RCBTB2: variants seen among roughly 807,000 people sequenced by gnomAD.
The protein encoded by RCBTB2 is RCC1 and BTB domain-containing protein 2.
In RCBTB2, 55 loss-of-function variants were observed where a neutral mutation model predicts 65.4. The ratio of observed to expected loss-of-function variants is 0.84; its 90% CI spans 0.68 to 1.05. The LOEUF (loss-of-function observed/expected upper bound fraction) is 1.05, where lower values mean the gene tolerates loss of function less well. Ranked by LOEUF, RCBTB2 falls within the 50% of genes least tolerant of loss-of-function variation. RCBTB2 has a pLI of 0.00. For missense variants in RCBTB2, 599 were observed against 680.1 expected (o/e 0.88, Z 1.33); for synonymous variants, 220 against 255.2 (o/e 0.86, Z 1.31).
In RCBTB2 at chr13:48,489,887, T is replaced by G. The variant is rs1432039975; in HGVS notation, c.*224A>C. ...AAATGGTAAATAAGATATTTCAATTTTTTTTCCTTGACCTTAGTCACATCT... is the reference window on the plus strand; with the variant it reads ...AAATGGTAAATAAGATATTTCAATTGTTTTTCCTTGACCTTAGTCACATCT... On this transcript the variant is annotated 3_prime_UTR_variant, in exon 15 of 15. Transcript: ENST00000344532. 2 of 554,686 alleles carry G rather than the reference T, an allele frequency of 3.6e-6. No individual in the cohort carries two copies. Among genetic ancestry groups the G allele is most frequent in the Non-Finnish European group, 6.3e-6 (2 of 316,736 alleles). 34.4% of individuals were successfully genotyped at this position (554,686 alleles called of 1,614,324 possible). A position where few individuals can be genotyped will look rare whatever the true frequency, so the allele number is the denominator to read the frequency against.
chr13:48,522,067 A>C, intron 3 of RCBTB2, 105 bp from the exon 4 acceptor site: 1 of 971,240 alleles, frequency 1.0e-6, no homozygotes, highest in Non-Finnish European at 1.6e-6. Context: ...AGCTAAGCTC[A>C]AATGTTGTGA....
At position 48,512,849 on chromosome 13, in the gene RCBTB2, G is replaced by A. The variant is rs1370473328; in HGVS notation, c.396C>T (p.Gly132=). 1.2e-6 allele frequency: 2 copies of A among 1,613,728 alleles called. No individual in the cohort carries two copies. The highest frequency in any genetic ancestry group is 1.7e-6 in the Non-Finnish European group (2 of 1,179,812). ...TWGHNAYSQL[G]NGTTNHGLVP... The stretch of plus-strand genomic sequence containing the variant: ...CTAAACCATGATTAGTTGTCCCATT[G>A]CCCAGCTGGCTATAAGCATTATGAC... Residue 132 remains glycine (G), a synonymous_variant, in exon 7 of 15, where the codon GGC becomes GGT. Coordinates refer to ENST00000344532, the MANE Select transcript of RCBTB2 (RefSeq NM_001268.4).
At position 48,522,393 on chromosome 13, in the gene RCBTB2, G is replaced by A; in HGVS notation, c.-109C>T. The A allele has an allele frequency of 7.3e-7, 1 of 1,360,912 alleles. No individual in the cohort carries two copies. The highest frequency in any genetic ancestry group is 1.0e-6 in the Non-Finnish European group (1 of 997,168). 84.3% of individuals were successfully genotyped at this position (1,360,912 alleles called of 1,614,324 possible). On this transcript the variant is annotated 5_prime_UTR_variant, in exon 3 of 15. Coordinates refer to ENST00000344532, the MANE Select transcript of RCBTB2 (RefSeq NM_001268.4). ...TTCTCAGCTCCACAGAAGAATATATGATTTGCTAAGCTGGAAAAAAAAAAG... is the reference window on the plus strand; with the variant it reads ...TTCTCAGCTCCACAGAAGAATATATAATTTGCTAAGCTGGAAAAAAAAAAG...
At chr13:48,498,940 T>C (rs1950098702) in intron 13 of RCBTB2, among the ~76,000 whole-genome samples, 2 of 152,048 alleles carry the variant, frequency 1.3e-5, no homozygotes, top group Admixed American at 1.3e-4. Context: ...GCAACCTCTT[T>C]AAAATATATC....
chr13:48,493,313 A>ACTCTCT (rs1213235186), intron 14 of RCBTB2, among the ~76,000 whole-genome samples: 1,132 of 59,958 alleles, frequency 0.019, 8 homozygotes, highest in Non-Finnish European at 0.023. Context: ...ACACACACAC[A>ACTCTCT]CACTCTCTCT....
chr13:48,510,262 G>A (rs1337927662), intron 10 of RCBTB2, among the ~76,000 whole-genome samples: 1 of 152,192 alleles, frequency 6.6e-6, no homozygotes, highest in Non-Finnish European at 1.5e-5. Flanking sequence ...TCCTAAGCCA[G>A]GGAAGAGCGA....
Position 48,502,831 on chromosome 13 carries a change from C to T in RCBTB2, c.1010G>A (p.Cys337Tyr). 2 of 1,614,210 alleles carry T rather than the reference C, an allele frequency of 1.2e-6. No homozygotes were observed. The highest frequency in any genetic ancestry group is 8.5e-7 in the Non-Finnish European group (1 of 1,180,032). Residue 337 changes from cysteine (C) to tyrosine (Y), a missense_variant, in exon 11 of 15, where the codon TGC becomes TAC. By Grantham distance (194) the Cys-to-Tyr change is radical. Transcript: ENST00000344532. ...CGGGAGGATCACGGACTGACCCCGG[C>T]ACTGGCCCCACATGTACACGTGCCC... The part of the protein sequence containing the change: ...QGGHVYMWGQ[C>Y]RGQSVILPHL...
intron 4 of RCBTB2, 72 bp from the exon 5 acceptor site, chr13:48,515,813 G>A: frequency 6.9e-7 from 1 of 1,440,710 alleles, no homozygotes; most frequent in East Asian, 2.3e-5. Context: ...CAGTTCTGTA[G>A]AAGAGGGCGA....
chr13:48,521,303 A>T (rs1951410703), intron 4 of RCBTB2, among the ~76,000 whole-genome samples: 1 of 152,194 alleles, frequency 6.6e-6, no homozygotes, highest in Admixed American at 6.5e-5. Context: ...TTGAATTTTG[A>T]CCTGATTTTA....
intron 2 of RCBTB2, among the ~76,000 whole-genome samples, chr13:48,524,262 T>C (rs1311455416): frequency 2.0e-5 from 3 of 152,216 alleles, no homozygotes; most frequent in Non-Finnish European, 4.4e-5. Flanking sequence ...TATGTTGATA[T>C]ATATACTTAA....
chr13:48,515,848 T>C (rs41284772), intron 4 of RCBTB2, 107 bp from the exon 5 acceptor site: 3 of 1,143,882 alleles, frequency 2.6e-6, no homozygotes, highest in Non-Finnish European at 3.7e-6. Context: ...AGGAACACAC[T>C]GCATCCATTT....
At chr13:48,500,940 T>C (rs1418566840) in intron 12 of RCBTB2, among the ~76,000 whole-genome samples, 2 of 152,204 alleles carry the variant, frequency 1.3e-5, no homozygotes, top group African/African-American at 2.4e-5. Context: ...GTTGAGTGTG[T>C]GACTCACTGC....
intron 14 of RCBTB2, among the ~76,000 whole-genome samples, chr13:48,492,204 G>T (rs79694885): frequency 3.3e-5 from 5 of 151,904 alleles, no homozygotes; most frequent in Non-Finnish European, 7.4e-5. Flanking sequence ...TCCCCACCAC[G>T]TCTCCTTGCC....
intron 14 of RCBTB2, among the ~76,000 whole-genome samples, chr13:48,495,785 T>C (rs1949940567): frequency 1.3e-5 from 2 of 152,252 alleles, no homozygotes. Flanking sequence ...ATTTATGTTT[T>C]TTGTCTATTT....
In RCBTB2 at chr13:48,519,862, T is replaced by G. The variant is rs565488847; in HGVS notation, c.42+2036A>C. 3.9e-5 allele frequency among the ~76,000 whole-genome samples: 6 copies of G among 152,304 alleles called. No homozygotes were observed. The South Asian group carries it at 8.3e-4, about 21-fold the overall frequency. Reference sequence around the variant, plus strand: ...CTGATGACTAAATTTATAAAATGCATGTATTTGCATTTTTTGAAGTACATA... The same window carrying G: ...CTGATGACTAAATTTATAAAATGCAGGTATTTGCATTTTTTGAAGTACATA... On this transcript the variant is annotated intron_variant, in intron 4 of 14. Transcript: ENST00000344532.
chr13:48,522,468 G>A (rs1951483976), intron 2 of RCBTB2, 65 bp from the exon 3 acceptor site: 1 of 776,144 alleles, frequency 1.3e-6, no homozygotes, highest in African/African-American at 1.8e-5. Context: ...ATGTGGCTTT[G>A]TTATTCTGGA....
At chr13:48,516,750 G>A (rs889604504) in intron 4 of RCBTB2, among the ~76,000 whole-genome samples, 2 of 152,066 alleles carry the variant, frequency 1.3e-5, no homozygotes, top group East Asian at 1.9e-4. Flanking sequence ...TTAAGATCAC[G>A]AGCACCCACA....
Position 48,502,870 on chromosome 13 carries a change from G to T in RCBTB2, c.971C>A (p.Ala324Asp), listed in dbSNP as rs1467238977. 1 of 1,614,110 alleles carries T rather than the reference G, an allele frequency of 6.2e-7. No homozygotes were observed. Among genetic ancestry groups the T allele is most frequent in the Admixed American group, 1.7e-5 (1 of 60,010 alleles). ...AACHSTHTSA[A>D]KTQGGHVYMW... ...GTACACGTGCCCACCCTGCGTCTTG[G>T]CCGCAGACGTGTGTGTGGAGTGACA... The change falls in exon 11 of 15, where the codon GCC becomes GAC. Residue 324 changes from alanine (A) to aspartate (D), a missense_variant. Physicochemically the swap from Ala to Asp is moderately radical, Grantham distance 126. Coordinates refer to ENST00000344532, the MANE Select transcript of RCBTB2 (RefSeq NM_001268.4).
At chr13:48,532,765 G>T in intron 1 of RCBTB2, 1 of 308,348 alleles carries the variant, frequency 3.2e-6, no homozygotes, top group South Asian at 2.3e-5. Context: ...GCATGCGCAG[G>T]GCCGCCTCTG....
Sources: gnomAD v4.1 joint callset for allele counts (sites outside exome capture counted in the v4.1 genomes callset) on GRCh38, gnomAD v4.1.1 for gene constraint, MANE v1.5 for transcripts, NCBI Gene and HGNC (gene_info 2026-07-23, HGNC 2026-07-21) for gene names.